Variants in CNTN5 observed in about 807,000 individuals in gnomAD.
CNTN5 encodes contactin 5.
A neutral mutation model predicts 129.1 loss-of-function variants in CNTN5; 77 were observed. The ratio of observed to expected loss-of-function variants is 0.60; its 90% CI spans 0.50 to 0.72. CNTN5 has a LOEUF of 0.72. CNTN5 is among the 30% of genes least tolerant of loss of function. The pLI is 0.00. For synonymous variants in CNTN5, 509 were observed against 465.6 expected, an observed-to-expected ratio of 1.09 and a Z score of -1.20; for missense variants, 1,478 against 1,328.8, an observed-to-expected ratio of 1.11 and a Z score of -1.75.
At chr11:100,225,897 A>T (rs1429869421) in intron 16 of CNTN5, among the ~76,000 whole-genome samples, 2 of 152,108 alleles carry the variant, frequency 1.3e-5, no homozygotes, top group Non-Finnish European at 2.9e-5. Context: ...GAGCCTCATC[A>T]TCTCTATGTT....
chr11:99,700,629 G>A (rs1954476727), intron 3 of CNTN5, among the ~76,000 whole-genome samples: 1 of 151,270 alleles, frequency 6.6e-6, no homozygotes, highest in African/African-American at 2.4e-5. Flanking sequence ...AATAATAAAA[G>A]CCTTAATTTT....
At chr11:99,836,146 C>CT (rs1043406039) in intron 4 of CNTN5, among the ~76,000 whole-genome samples, 23 of 137,940 alleles carry the variant, frequency 1.7e-4, no homozygotes, top group Non-Finnish European at 3.2e-4. Context: ...TTTAATTTTT[C>CT]TTTTTTTTTA....
chr11:99,462,892 C>T (rs774167193), intron 2 of CNTN5, among the ~76,000 whole-genome samples: 7 of 151,934 alleles, frequency 4.6e-5, no homozygotes, highest in Middle Eastern at 3.4e-3. Context: ...CGAGACCAGC[C>T]GGATAAACAC....
chr11:100,187,041 T>C (rs921337859), intron 13 of CNTN5, among the ~76,000 whole-genome samples: 2 of 152,156 alleles, frequency 1.3e-5, no homozygotes, highest in Non-Finnish European at 2.9e-5. Flanking sequence ...GAATTTTTTT[T>C]CCATTTGTGT....
intron 13 of CNTN5, among the ~76,000 whole-genome samples, chr11:100,158,067 G>T (rs1591331090): frequency 6.6e-6 from 1 of 151,702 alleles, no homozygotes; most frequent in Non-Finnish European, 1.5e-5. Flanking sequence ...CAACCATTGA[G>T]GAAGACTAAT....
intron 3 of CNTN5, among the ~76,000 whole-genome samples, chr11:99,676,490 C>T (rs555512726): frequency 2.2e-4 from 33 of 152,174 alleles, no homozygotes; most frequent in Non-Finnish European, 4.1e-4. Flanking sequence ...CCTCACCAGG[C>T]CTCTGCAGTC....
At chr11:99,609,505 C>T (rs763376084) in intron 3 of CNTN5, among the ~76,000 whole-genome samples, 9 of 152,080 alleles carry the variant, frequency 5.9e-5, no homozygotes, top group Non-Finnish European at 8.8e-5. Flanking sequence ...TTCAGGGAGC[C>T]GTGGAACACA....
intron 3 of CNTN5, among the ~76,000 whole-genome samples, chr11:99,653,846 T>C (rs190033792): frequency 3.9e-4 from 60 of 152,176 alleles, no homozygotes; most frequent in African/African-American, 1.4e-3. Context: ...AGAGTAATTT[T>C]ATAGAATTTT....
chr11:99,189,514 G>T (rs745632844), intron 1 of CNTN5, among the ~76,000 whole-genome samples: 44 of 151,540 alleles, frequency 2.9e-4, no homozygotes, highest in Non-Finnish European at 5.8e-4. Context: ...ACTATGCAAA[G>T]GTTTCCATTT....
intron 1 of CNTN5, among the ~76,000 whole-genome samples, chr11:99,114,553 A>G (rs1206257599): frequency 6.7e-6 from 1 of 149,492 alleles, no homozygotes; most frequent in East Asian, 2.0e-4. Context: ...TCATTCTTAA[A>G]ACCATGTTAT....
chr11:99,758,591 A>C (rs1239362099), intron 3 of CNTN5, among the ~76,000 whole-genome samples: 1 of 152,056 alleles, frequency 6.6e-6, no homozygotes, highest in Non-Finnish European at 1.5e-5. Flanking sequence ...GAATGTGATA[A>C]ATTTAATTAT....
rs916496231 is a variant in CNTN5, at chr11:100,071,962, A to G, written c.1429+128A>G. 5 of 858,010 alleles carry G rather than the reference A, an allele frequency of 5.8e-6. No individual in the cohort carries two copies. The African/African-American group carries it at 6.8e-5, about 12-fold the overall frequency. The allele number at this position is 858,010 out of a possible 1,614,324, so 53.1% of individuals were successfully genotyped here. A position where few individuals can be genotyped will look rare whatever the true frequency, so the allele number is the denominator to read the frequency against. On this transcript the variant is annotated intron_variant, in intron 12 of 24. Transcript: ENST00000524871. ...ATTTTATGGCTTGAAAAGAAATACT[A>G]TGTCTTGCTGATTTTTTTTAACTTT...
intron 6 of CNTN5, among the ~76,000 whole-genome samples, chr11:99,862,642 TATTA>T (rs1352021621): frequency 2.0e-5 from 3 of 152,048 alleles, no homozygotes; most frequent in African/African-American, 7.2e-5. Context: ...ACTGATTAAT[TATTA>T]ATTATATCTA....
intron 13 of CNTN5, among the ~76,000 whole-genome samples, chr11:100,161,711 T>C (rs1335099517): frequency 1.3e-5 from 2 of 151,688 alleles, no homozygotes; most frequent in East Asian, 3.9e-4. Flanking sequence ...AAAATTTTTA[T>C]GCTAGACATA....
chr11:99,297,398 A>G (rs529166451), intron 1 of CNTN5, among the ~76,000 whole-genome samples: 4 of 152,302 alleles, frequency 2.6e-5, no homozygotes, highest in Middle Eastern at 3.4e-3. Context: ...GATCCTGTAC[A>G]TCCCTAATCC....
intron 1 of CNTN5, among the ~76,000 whole-genome samples, chr11:99,032,388 G>T (rs564446265): frequency 5.3e-5 from 8 of 150,662 alleles, no homozygotes; most frequent in African/African-American, 2.0e-4. Flanking sequence ...CACCAACAGT[G>T]TAAAAGTGTT....
chr11:99,137,681 G>A (rs892040945), intron 1 of CNTN5, among the ~76,000 whole-genome samples: 1 of 152,098 alleles, frequency 6.6e-6, no homozygotes, highest in African/African-American at 2.4e-5. Flanking sequence ...TCCAGAAATA[G>A]TTTCACCTTA....
chr11:99,047,602 A>T (rs1036954379), intron 1 of CNTN5, among the ~76,000 whole-genome samples: 2 of 152,146 alleles, frequency 1.3e-5, no homozygotes, highest in African/African-American at 4.8e-5. Context: ...GTAAAAGTTC[A>T]TCGATAAATT....
At chr11:99,986,395 CAGTGACAAATATA>C in intron 8 of CNTN5, among the ~76,000 whole-genome samples, 1 of 152,132 alleles carries the variant, frequency 6.6e-6, no homozygotes, top group Non-Finnish European at 1.5e-5. Context: ...ATTTACCTTT[CAGTGACAAATATA>C]AGGTCTTCCC....
Sources: allele counts gnomAD v4.1 joint callset (sites outside exome capture counted in the v4.1 genomes callset), GRCh38; gene constraint gnomAD v4.1.1; transcripts MANE v1.5; gene names NCBI Gene and HGNC (gene_info 2026-07-23, HGNC 2026-07-21).